MPHOSPH6: variants seen among roughly 807,000 people sequenced by gnomAD.
MPHOSPH6 encodes the protein M-phase phosphoprotein 6.
Under a neutral mutation model 21.8 loss-of-function variants are expected in MPHOSPH6, and 25 were observed. That is an observed-to-expected ratio of 1.15 (90% CI 0.83 to 1.60). The LOEUF (loss-of-function observed/expected upper bound fraction) is 1.60. MPHOSPH6 is among the 40% of genes most tolerant of loss of function. MPHOSPH6 has a pLI of 0.00. For missense variants in MPHOSPH6, 269 were observed against 181.8 expected, an observed-to-expected ratio of 1.48 and a Z score of -2.76; for synonymous variants, 84 against 56.5, an observed-to-expected ratio of 1.49 and a Z score of -2.18.
chr16:82,161,461 A>T (rs1906605846), intron 2 of MPHOSPH6, among the ~76,000 whole-genome samples: 3 of 152,246 alleles, frequency 2.0e-5, no homozygotes, highest in African/African-American at 7.2e-5. Flanking sequence ...GGAGGAATTA[A>T]ACTGCCTATA....
chr16:82,168,935 T>A (rs1480888378), intron 1 of MPHOSPH6, among the ~76,000 whole-genome samples: 1 of 152,202 alleles, frequency 6.6e-6, no homozygotes, highest in African/African-American at 2.4e-5. Flanking sequence ...CCAGACTGCC[T>A]GAATTCCCGT....
intron 2 of MPHOSPH6, among the ~76,000 whole-genome samples, chr16:82,160,090 C>T (rs1055345251): frequency 6.6e-6 from 1 of 152,082 alleles, no homozygotes; most frequent in Non-Finnish European, 1.5e-5. Flanking sequence ...CTACTGGCCC[C>T]TCAGAGGTTT....
intron 2 of MPHOSPH6, among the ~76,000 whole-genome samples, chr16:82,152,698 A>C (rs1361842523): frequency 6.6e-6 from 1 of 152,170 alleles, no homozygotes; most frequent in Admixed American, 6.5e-5. Flanking sequence ...CACTGATGGC[A>C]TTGGGGCAGG....
At chr16:82,170,029 C>T (rs541979469) in intron 1 of MPHOSPH6, 96 bp downstream of exon 1, 1 of 1,376,528 alleles carries the variant, frequency 7.3e-7, no homozygotes, top group South Asian at 1.3e-5. Context: ...TGAGGCCTCT[C>T]TGGTGTCCCT....
chr16:82,149,592 A>T (rs1374175980), intron 3 of MPHOSPH6, among the ~76,000 whole-genome samples, 189 bp from the exon 4 acceptor site: 1 of 152,256 alleles, frequency 6.6e-6, no homozygotes, highest in Non-Finnish European at 1.5e-5. Context: ...TCAAAAAAAT[A>T]GTAAGGCAAA....
intron 2 of MPHOSPH6, among the ~76,000 whole-genome samples, chr16:82,157,568 T>G (rs1235781576): frequency 6.6e-6 from 1 of 152,204 alleles, no homozygotes; most frequent in Non-Finnish European, 1.5e-5. Flanking sequence ...CAAAGATGCA[T>G]GCACTATCAA....
intron 3 of MPHOSPH6, among the ~76,000 whole-genome samples, chr16:82,150,049 C>G (rs1433794862): frequency 6.7e-6 from 1 of 149,732 alleles, no homozygotes; most frequent in East Asian, 2.0e-4. Flanking sequence ...TTCTTTTTAG[C>G]AAGAGGAGAA....
chr16:82,155,801 A>G (rs1906409415), intron 2 of MPHOSPH6, among the ~76,000 whole-genome samples: 3 of 151,912 alleles, frequency 2.0e-5, no homozygotes, highest in Non-Finnish European at 4.4e-5. Context: ...GCTACTCAGG[A>G]GGCTGGGGCA....
intron 2 of MPHOSPH6, among the ~76,000 whole-genome samples, chr16:82,155,942 T>C (rs1326397641): frequency 6.6e-6 from 1 of 151,638 alleles, no homozygotes; most frequent in African/African-American, 2.4e-5. Flanking sequence ...ACAGGTTATC[T>C]ATGAAAGACA....
At chr16:82,167,094 G>C (rs1347358859) in intron 1 of MPHOSPH6, among the ~76,000 whole-genome samples, 1 of 134,030 alleles carries the variant, frequency 7.5e-6, no homozygotes, top group Non-Finnish European at 1.6e-5. Flanking sequence ...TGGCAGAGCT[G>C]AGTAGTTGTA....
chr16:82,155,552 G>T (rs537878796), intron 2 of MPHOSPH6, among the ~76,000 whole-genome samples: 1 of 152,246 alleles, frequency 6.6e-6, no homozygotes, highest in Non-Finnish European at 1.5e-5. Context: ...CTCTATTTAT[G>T]ATATATAAAA....
At chr16:82,155,315 A>G (rs1040752547) in intron 2 of MPHOSPH6, among the ~76,000 whole-genome samples, 1 of 152,236 alleles carries the variant, frequency 6.6e-6, no homozygotes, top group African/African-American at 2.4e-5. Flanking sequence ...TCAATACTGT[A>G]TTGGGTCCTT....
chr16:82,148,230 T>A lies in MPHOSPH6; in HGVS notation c.*501A>T, dbSNP rs1440223580. The A allele has an allele frequency of 6.6e-6, 1 of 152,266 alleles. No individual in the cohort carries two copies. The highest frequency in any genetic ancestry group is 1.5e-5 in the Non-Finnish European group (1 of 68,068). The allele number at this position is 152,266 out of a possible 1,614,324, so 9.4% of individuals were successfully genotyped here. A position where few individuals can be genotyped will look rare whatever the true frequency, so the allele number is the denominator to read the frequency against. On this transcript the variant is annotated 3_prime_UTR_variant, in exon 5 of 5. Transcript: ENST00000258169. The stretch of plus-strand genomic sequence containing the variant: ...ATTCAATGCTTTAAATAAAACAACA[T>A]AATACCATAAACTGACAATGACCTG...
intron 2 of MPHOSPH6, among the ~76,000 whole-genome samples, chr16:82,161,946 C>A (rs1378028731): frequency 6.6e-6 from 1 of 152,298 alleles, no homozygotes; most frequent in Non-Finnish European, 1.5e-5. Flanking sequence ...AGAGCACAGA[C>A]ACATGCAATC....
At chr16:82,164,324 G>A in intron 1 of MPHOSPH6, 130 bp from the exon 2 acceptor site, 1 of 647,516 alleles carries the variant, frequency 1.5e-6, no homozygotes, top group South Asian at 2.0e-5. Context: ...TTGAGGGTTG[G>A]GGCAAGTGAT....
At chr16:82,154,076 G>A (rs557476327) in intron 2 of MPHOSPH6, among the ~76,000 whole-genome samples, 2 of 152,278 alleles carry the variant, frequency 1.3e-5, no homozygotes, top group South Asian at 4.2e-4. Flanking sequence ...TTTCAGAGAT[G>A]AAAACCTAGA....
chr16:82,149,223 C>G (rs1015609979), intron 4 of MPHOSPH6, 86 bp downstream of exon 4: 1 of 1,362,350 alleles, frequency 7.3e-7, no homozygotes, highest in Non-Finnish European at 1.0e-6. Context: ...TGAAAGCTGC[C>G]GTGCACTGTG....
intron 3 of MPHOSPH6, among the ~76,000 whole-genome samples, chr16:82,150,750 T>C (rs1906238821): frequency 6.6e-6 from 1 of 152,232 alleles, no homozygotes; most frequent in East Asian, 1.9e-4. Flanking sequence ...TGGCCCCAAA[T>C]GTTAACACTG....
At chr16:82,165,655 GT>G (rs1173827863) in intron 1 of MPHOSPH6, among the ~76,000 whole-genome samples, 5 of 100,610 alleles carry the variant, frequency 5.0e-5, no homozygotes, top group African/African-American at 1.5e-4. Context: ...ATCTAGATAT[GT>G]TTAGATACAC....
Sources: gnomAD v4.1 joint callset for allele counts (sites outside exome capture counted in the v4.1 genomes callset) on GRCh38, gnomAD v4.1.1 for gene constraint, MANE v1.5 for transcripts, NCBI Gene and HGNC (gene_info 2026-07-23, HGNC 2026-07-21) for gene names.